PCK2: variants seen among roughly 807,000 people sequenced by gnomAD.
PCK2 encodes the protein phosphoenolpyruvate carboxykinase 2, mitochondrial.
Under a neutral mutation model 65.9 loss-of-function variants are expected in PCK2, and 56 were observed. The ratio of observed to expected loss-of-function variants is 0.85; its 90% confidence interval spans 0.69 to 1.06. The LOEUF is 1.06. PCK2 is among the 50% of genes least tolerant of loss of function. The pLI, the probability that PCK2 is intolerant of heterozygous loss-of-function variation, is 0.00. For synonymous variants in PCK2, 305 were observed against 319.6 expected (o/e 0.95, Z 0.49); for missense variants, 843 against 863.1 (o/e 0.98, Z 0.29).
At chr14:24,099,531 C>G (rs769094260) in intron 5 of PCK2, 27 bp from the exon 6 acceptor site, 8 of 1,552,682 alleles carry the variant, frequency 5.2e-6, no homozygotes, top group Middle Eastern at 1.7e-4. Context: ...TGACCTCTTT[C>G]TTATTCCCTC....
In PCK2 at chr14:24,101,274, G is replaced by A. The variant is rs545238776; in HGVS notation, c.1234+1061G>A. 2.0e-5 allele frequency among the ~76,000 whole-genome samples: 3 copies of A among 152,318 alleles called. No homozygotes were observed. In the South Asian group the frequency reaches 6.2e-4, roughly 32 times the overall value. ...ATTCCCAGAATAATACCCTGTGTTA[G>A]GATTCTGCACTGGGTGCTGAAGAAG... is the stretch of plus-strand genomic sequence containing the variant. On this transcript the variant is annotated intron_variant, in intron 7 of 9. Transcript: ENST00000216780.
At chr14:24,103,466 C>G in intron 9 of PCK2, 44 bp from the exon 10 acceptor site, 2 of 1,482,602 alleles carry the variant, frequency 1.3e-6, no homozygotes, top group East Asian at 2.3e-5. Context: ...CTTCCCTACC[C>G]CAGTGAGAAG....
In PCK2 at chr14:24,103,892, G is replaced by T. The variant is rs1473857553; in HGVS notation, c.1851G>T (p.Gln617His). The T allele has an allele frequency of 6.2e-7, 1 of 1,614,044 alleles. No homozygotes were observed. The highest frequency in any genetic ancestry group is 8.5e-7 in the Non-Finnish European group (1 of 1,180,032). ...ACATTCGGAGCTACCTGACAGAGCA[G>T]GTCAACCAGGATCTGCCCAAAGAGG... ...VRDIRSYLTE[Q>H]VNQDLPKEVL... The change falls in exon 10 of 10, where the codon CAG (glutamine) becomes CAT (histidine). Residue 617 changes from glutamine to histidine, a missense_variant. Gln to His is a conservative substitution (Grantham distance 24). Coordinates refer to ENST00000216780, the MANE Select transcript of PCK2 (RefSeq NM_004563.4).
chr14:24,094,744 C>A lies in PCK2; in HGVS notation c.29+310C>A. ...TCCTCTCTGCTGAGCCAGGTCTCCGCATATCCTCCTTTCCTTCCCAGATAC... is the reference window on the plus strand; with the variant it reads ...TCCTCTCTGCTGAGCCAGGTCTCCGAATATCCTCCTTTCCTTCCCAGATAC... On this transcript the variant is annotated intron_variant, in intron 1 of 9. Transcript: ENST00000216780. This position sits in a 1 kb window ranked among gnomAD's most constrained non-coding sequence, Gnocchi z 4.1. 1 of 1,473,868 alleles carries A rather than the reference C, an allele frequency of 6.8e-7. No homozygotes were observed. Among genetic ancestry groups the A allele is most frequent in the Non-Finnish European group, 9.0e-7 (1 of 1,107,424 alleles). 91.3% of individuals were successfully genotyped at this position (1,473,868 alleles called of 1,614,324 possible).
In PCK2 at chr14:24,099,726, G is replaced by A; in HGVS notation, c.1015+6G>A. 1.9e-6 allele frequency: 3 copies of A among 1,611,808 alleles called. No individual in the cohort carries two copies. Among genetic ancestry groups the A allele is most frequent in the Non-Finnish European group, 2.5e-6 (3 of 1,177,900 alleles). ...GATGAGGTTTGACAGTGAAGGTGAG[G>A]GACTCTCAGATCATACTCTTGGTTC... On this transcript the variant is annotated splice_donor_region_variant and intron_variant, in intron 6 of 9. Transcript: ENST00000216780.
intron 7 of PCK2, chr14:24,100,526 C>A: frequency 4.3e-6 from 4 of 931,732 alleles, no homozygotes; most frequent in Middle Eastern, 3.7e-4. Context: ...AAGGGTTTAT[C>A]ACACTGACAA....
intron 7 of PCK2, 141 bp downstream of exon 7, chr14:24,100,354 A>G: frequency 6.8e-7 from 1 of 1,465,582 alleles, no homozygotes; most frequent in Non-Finnish European, 9.0e-7. Context: ...TTCCAGTCCC[A>G]GGCAAAATCT....
In PCK2 at chr14:24,103,690, A is replaced by G; in HGVS notation, c.1649A>G (p.Glu550Gly). 6.2e-7 allele frequency: 1 copy of G among 1,614,104 alleles called. No homozygotes were observed. Among genetic ancestry groups the G allele is most frequent in the Non-Finnish European group, 8.5e-7 (1 of 1,180,010 alleles). Reference protein sequence around the residue: ...AGHFLWPGFGENARVLDWICR... With the variant: ...AGHFLWPGFGGNARVLDWICR... ...CACTTCCTGTGGCCAGGCTTTGGGG[A>G]GAATGCTCGGGTGCTAGACTGGATC... Residue 550 changes from glutamate to glycine, a missense_variant, in exon 10 of 10, where the codon GAG becomes GGG. By Grantham distance (98) the Glu-to-Gly change is moderately conservative. Coordinates refer to ENST00000216780, the MANE Select transcript of PCK2 (RefSeq NM_004563.4).
In PCK2 at chr14:24,103,232, C is replaced by A. The variant is rs1414896046; in HGVS notation, c.1445C>A (p.Ser482Tyr). ...VFVGSAMRSE[S>Y]TAAAEHKGKI... ...GTGGGCAGCGCCATGCGCTCTGAGT[C>A]CACTGCTGCAGCAGAACACAAAGGT... Residue 482 changes from serine (S) to tyrosine (Y), a missense_variant, in exon 9 of 10, where the codon TCC becomes TAC. Transcript: ENST00000216780. 6.2e-7 allele frequency: 1 copy of A among 1,613,764 alleles called. No homozygotes were observed. The highest frequency in any genetic ancestry group is 1.7e-5 in the Admixed American group (1 of 60,016).
At chr14:24,101,428 A>G (rs1357463840) in intron 7 of PCK2, among the ~76,000 whole-genome samples, 1 of 152,172 alleles carries the variant, frequency 6.6e-6, no homozygotes, top group Non-Finnish European at 1.5e-5. Context: ...ATGTCCACTC[A>G]GGGGCCACAC....
Position 24,102,928 on chromosome 14 carries a change from G to T in PCK2, c.1372+38G>T, listed in dbSNP as rs530386104. The T allele has an allele frequency of 2.5e-6, 4 of 1,598,616 alleles. No homozygotes were observed. In the African/African-American group the frequency reaches 5.4e-5, roughly 21 times the overall value. On this transcript the variant is annotated intron_variant, in intron 8 of 9. Transcript: ENST00000216780. ...TGAGCTCCATGTTCTTGGCAAAAGG[G>T]CTATCTCTGTATTAGGGCCTACCTC... is the stretch of plus-strand genomic sequence containing the variant.
chr14:24,095,440 G>A, intron 1 of PCK2: 1 of 348,236 alleles, frequency 2.9e-6, no homozygotes, highest in Non-Finnish European at 5.7e-6. Flanking sequence ...TGCTTTAGCG[G>A]AAACCACCCC....
intron 7 of PCK2, 35 bp downstream of exon 7, chr14:24,100,248 A>G (rs1490523809): frequency 3.7e-6 from 6 of 1,610,666 alleles, no homozygotes; most frequent in Non-Finnish European, 5.1e-6. Flanking sequence ...CACAGCCTCC[A>G]GGCCTCAGCA....
intron 2 of PCK2, 96 bp downstream of exon 2, chr14:24,097,233 A>G: frequency 9.0e-7 from 1 of 1,105,608 alleles, no homozygotes; most frequent in Non-Finnish European, 1.3e-6. Flanking sequence ...TCCCAATGGA[A>G]TGAACAAGAA....
intron 7 of PCK2, 174 bp from the exon 8 acceptor site, chr14:24,102,579 T>C: frequency 1.6e-6 from 1 of 618,480 alleles, no homozygotes. Context: ...CTAAACAACC[T>C]GAGCTCTTGG....
Position 24,099,648 on chromosome 14 carries a change from C to T in PCK2, c.943C>T (p.Arg315Trp), listed in dbSNP as rs781084380. 10 of 1,613,812 alleles carry T rather than the reference C, an allele frequency of 6.2e-6. No homozygotes were observed. The highest frequency in any genetic ancestry group is 4.5e-5 in the East Asian group (2 of 44,868). ...ACGKTNLAMM[R>W]PALPGWKVEC... ...TGGCAAGACCAACCTGGCTATGATG[C>T]GGCCTGCACTGCCAGGCTGGAAAGT... is the stretch of plus-strand genomic sequence containing the variant. The change falls in exon 6 of 10, where the codon CGG becomes TGG. Residue 315 changes from arginine (R) to tryptophan (W), a missense_variant. Transcript: ENST00000216780.
chr14:24,096,851 C>G, intron 1 of PCK2, 41 bp from the exon 2 acceptor site: 4 of 1,584,444 alleles, frequency 2.5e-6, no homozygotes, highest in Non-Finnish European at 3.4e-6. Context: ...TGTCCACTCT[C>G]GATGACAGCA....
At chr14:24,094,184 GC>G, upstream of PCK2, 2 of 559,884 alleles carry the variant, frequency 3.6e-6, no homozygotes, top group Non-Finnish European at 6.2e-6. The surrounding 1 kb of genome is among the most constrained non-coding windows in gnomAD (Gnocchi z 4.1). Flanking sequence ...CTGACCTGGA[GC>G]CTGGAGCCCC....
chr14:24,094,223 G>C (rs1395681487), upstream of PCK2: 1 of 596,920 alleles, frequency 1.7e-6, no homozygotes, highest in Non-Finnish European at 2.9e-6. This position sits in a 1 kb window ranked among gnomAD's most constrained non-coding sequence, Gnocchi z 4.1. Flanking sequence ...CCTGCCAGCG[G>C]GGCGGAGGAA....
Sources: allele counts gnomAD v4.1 joint callset (sites outside exome capture counted in the v4.1 genomes callset), GRCh38; gene constraint gnomAD v4.1.1; non-coding constraint Gnocchi (gnomAD v3.1); transcripts MANE v1.5; gene names NCBI Gene and HGNC (gene_info 2026-07-23, HGNC 2026-07-21).